Variants in PCDHGB2 observed in about 807,000 individuals in gnomAD.
PCDHGB2 encodes protocadherin gamma subfamily B, 2.
A neutral mutation model predicts 59.3 loss-of-function variants in PCDHGB2; 55 were observed. The ratio of observed to expected loss-of-function variants is 0.93; its 90% CI spans 0.75 to 1.16. The LOEUF is 1.16. Among genes scored for constraint, PCDHGB2 ranks in the 50% most tolerant of loss-of-function variants. The pLI, the probability that PCDHGB2 is intolerant of heterozygous loss-of-function variation, is 0.00. For missense variants in PCDHGB2, 1,228 were observed against 1,198.5 expected (o/e 1.02, Z -0.36); for synonymous variants, 516 against 512.0 (o/e 1.01, Z -0.11).
At chr5:141,450,730 G>A (rs1046738914) in intron 1 of PCDHGB2, among the ~76,000 whole-genome samples, 10 of 152,024 alleles carry the variant, frequency 6.6e-5, no homozygotes, top group Non-Finnish European at 1.2e-4. Flanking sequence ...CAGGTGATCC[G>A]CCCGCCTTGG....
chr5:141,459,843 T>C (rs1328781794), intron 1 of PCDHGB2, among the ~76,000 whole-genome samples: 1 of 152,228 alleles, frequency 6.6e-6, no homozygotes, highest in African/African-American at 2.4e-5. Context: ...TGTCTATTTG[T>C]ATATCTTCTT....
chr5:141,493,346 C>T lies in PCDHGB2; in HGVS notation c.2422-1461C>T, dbSNP rs766845200. Among the ~76,000 whole-genome samples, 5 of 152,172 alleles carry T rather than the reference C, an allele frequency of 3.3e-5. No individual in the cohort carries two copies. Among genetic ancestry groups the T allele is most frequent in the Non-Finnish European group, 7.3e-5 (5 of 68,028 alleles). On this transcript the variant is annotated intron_variant, in intron 1 of 3. Coordinates refer to ENST00000522605, the MANE Select transcript of PCDHGB2 (RefSeq NM_018923.3). The surrounding 1 kb of genome is among the most constrained non-coding windows in gnomAD (Gnocchi z 4.3). Reference sequence around the variant, plus strand: ...CCCCTGTCTAACTCCAGAATGTGTGCTTTTAATTTCTTGGCACTTGGAACT... The same window carrying T: ...CCCCTGTCTAACTCCAGAATGTGTGTTTTTAATTTCTTGGCACTTGGAACT...
chr5:141,374,518 C>T (rs766036470), intron 1 of PCDHGB2: 2 of 1,612,420 alleles, frequency 1.2e-6, no homozygotes, highest in South Asian at 1.1e-5. Flanking sequence ...TTCTCGAAAA[C>T]GCAGCTCCAT....
intron 1 of PCDHGB2, chr5:141,387,572 T>G: frequency 2.1e-6 from 1 of 480,808 alleles, no homozygotes; most frequent in South Asian, 3.5e-5. Context: ...CAATTATAAT[T>G]ATTGCACTGG....
intron 1 of PCDHGB2, among the ~76,000 whole-genome samples, chr5:141,474,187 T>A (rs2099345004): frequency 6.6e-6 from 1 of 152,210 alleles, no homozygotes; most frequent in South Asian, 2.1e-4. Context: ...ACTACTTACA[T>A]TTTTAAAAGC....
intron 1 of PCDHGB2, chr5:141,423,881 G>A (rs2096788712): frequency 7.8e-7 from 1 of 1,281,784 alleles, no homozygotes; most frequent in Non-Finnish European, 9.9e-7. Flanking sequence ...TTCAATCTTG[G>A]CATATTTTCT....
intron 1 of PCDHGB2, chr5:141,441,637 C>T (rs1200679247): frequency 4.4e-6 from 1 of 228,574 alleles, no homozygotes; most frequent in South Asian, 4.8e-5. Context: ...GAGCCACAGG[C>T]GCTGTGATTC....
chr5:141,368,654 A>G (rs1278983703), intron 1 of PCDHGB2, among the ~76,000 whole-genome samples: 1 of 152,204 alleles, frequency 6.6e-6, no homozygotes, highest in Admixed American at 6.5e-5. Flanking sequence ...GCAATGGAAA[A>G]ATATCTTTAA....
Position 141,403,985 on chromosome 5 carries a change from C to T in PCDHGB2, c.2421+41429C>T, listed in dbSNP as rs765326042. The T allele has an allele frequency of 5.7e-5, 92 of 1,613,546 alleles. No individual in the cohort carries two copies. The Admixed American group carries it at 7.2e-4, about 13-fold the overall frequency. On this transcript the variant is annotated intron_variant, in intron 1 of 3. Coordinates refer to ENST00000522605, the MANE Select transcript of PCDHGB2 (RefSeq NM_018923.3). ...GGTGGAAGATGTAAATGACAATAGA[C>T]CTGAAGTGACCATTACATCTCTGTT...
chr5:141,477,678 C>A lies in PCDHGB2; in HGVS notation c.2422-17129C>A, dbSNP rs967769574. 1 of 1,614,182 alleles carries A rather than the reference C, an allele frequency of 6.2e-7. No individual in the cohort carries two copies. The highest frequency in any genetic ancestry group is 1.3e-5 in the African/African-American group (1 of 75,054). ...AATCGTGACAATGGCATAGTGTCAT[C>A]CTTAGTGCCCCTAGACTATGAGGAT... is the stretch of plus-strand genomic sequence containing the variant. On this transcript the variant is annotated intron_variant, in intron 1 of 3. Transcript: ENST00000522605. The surrounding 1 kb of genome is among the most constrained non-coding windows in gnomAD (Gnocchi z 4.9).
At chr5:141,433,123 C>A in intron 1 of PCDHGB2, 1 of 1,614,116 alleles carries the variant, frequency 6.2e-7, no homozygotes, top group Non-Finnish European at 8.5e-7. Context: ...TTGAAAAAAG[C>A]GAGCCCCTTT....
chr5:141,378,013 A>G (rs2150121328), intron 1 of PCDHGB2: 1 of 152,212 alleles, frequency 6.6e-6, no homozygotes, highest in East Asian at 1.9e-4. Context: ...AATAAGCTCT[A>G]CTTATATTAT....
At chr5:141,501,312 C>T (rs2099807672) in intron 2 of PCDHGB2, among the ~76,000 whole-genome samples, 1 of 151,778 alleles carries the variant, frequency 6.6e-6, no homozygotes, top group South Asian at 2.1e-4. Context: ...CACACACACA[C>T]ACACACACAC....
chr5:141,459,579 T>G (rs1047850142), intron 1 of PCDHGB2, among the ~76,000 whole-genome samples: 2 of 152,212 alleles, frequency 1.3e-5, no homozygotes, highest in African/African-American at 4.8e-5. Context: ...AGAATTGTTT[T>G]GGGGGTCATA....
chr5:141,430,933 G>C (rs2097327058), intron 1 of PCDHGB2: 1 of 1,607,608 alleles, frequency 6.2e-7, no homozygotes, highest in East Asian at 2.2e-5. Flanking sequence ...AGCCCCGGGA[G>C]CTCGCGGAGC....
chr5:141,402,829 T>G (rs921784924), intron 1 of PCDHGB2: 4 of 1,341,920 alleles, frequency 3.0e-6, no homozygotes, highest in Admixed American at 5.9e-5. Context: ...GCTCCCAGGC[T>G]GCAGCAAAAC....
In PCDHGB2 at chr5:141,432,071, A is replaced by G; in HGVS notation, c.2422-62736A>G. On this transcript the variant is annotated intron_variant, in intron 1 of 3. Transcript: ENST00000522605. The surrounding 1 kb of genome is among the most constrained non-coding windows in gnomAD (Gnocchi z 6.0). ...CCCGCCCCTATCCACGGAAACTCAT[A>G]TCTCGCTGAACGTGGCAGACACCAA... is the stretch of plus-strand genomic sequence containing the variant. 2 of 1,614,158 alleles carry G rather than the reference A, an allele frequency of 1.2e-6. No individual in the cohort carries two copies. The highest frequency in any genetic ancestry group is 1.7e-6 in the Non-Finnish European group (2 of 1,180,032).
In PCDHGB2 at chr5:141,368,077, T is replaced by A. The variant is rs563591342; in HGVS notation, c.2421+5521T>A. Among the ~76,000 whole-genome samples the A allele has an allele frequency of 2.2e-4, 33 of 152,336 alleles. 1 individual carries two copies. The South Asian group carries it at 5.6e-3, about 26-fold the overall frequency. On this transcript the variant is annotated intron_variant, in intron 1 of 3. Transcript: ENST00000522605. ...AGAACTACTATATTTCCCTTCTGCA[T>A]CTGATTTGCTGAAGATGATTTTCAG...
Position 141,422,179 on chromosome 5 carries a change from A to G in PCDHGB2, c.2421+59623A>G, listed in dbSNP as rs757086661. The G allele has an allele frequency of 2.0e-5, 32 of 1,562,402 alleles. No homozygotes were observed. Among genetic ancestry groups the G allele is most frequent in the Non-Finnish European group, 2.6e-5 (30 of 1,159,048 alleles). ...TTTTGAAAAATATAGATTCTATGAG[A>G]TGGAAATTCAAGGCCAAGATGGTGG... is the stretch of plus-strand genomic sequence containing the variant. On this transcript the variant is annotated intron_variant, in intron 1 of 3. Coordinates refer to ENST00000522605, the MANE Select transcript of PCDHGB2 (RefSeq NM_018923.3).
Sources: gnomAD v4.1 joint callset for allele counts (sites outside exome capture counted in the v4.1 genomes callset) on GRCh38, gnomAD v4.1.1 for gene constraint, Gnocchi (gnomAD v3.1) non-coding constraint, MANE v1.5 for transcripts, NCBI Gene and HGNC (gene_info 2026-07-23, HGNC 2026-07-21) for gene names.